Variants in IRF5 observed in about 807,000 individuals in gnomAD.
IRF5 encodes interferon regulatory factor 5.
In IRF5, 24 loss-of-function variants were observed where a neutral mutation model predicts 55.1. The observed-to-expected ratio is 0.44, with a 90% CI of 0.32 to 0.61. The LOEUF (loss-of-function observed/expected upper bound fraction) is 0.61. Among genes scored for constraint, IRF5 ranks in the 20% least tolerant of loss-of-function variants. IRF5 has a pLI of 0.07. For missense variants in IRF5, 499 were observed against 658.5 expected, an observed-to-expected ratio of 0.76 and a Z score of 2.65; for synonymous variants, 258 against 260.2, an observed-to-expected ratio of 0.99 and a Z score of 0.08.
upstream of IRF5, among the ~76,000 whole-genome samples, chr7:128,937,321 A>T (rs1195698963): frequency 6.6e-6 from 1 of 152,258 alleles, no homozygotes; most frequent in Non-Finnish European, 1.5e-5. Flanking sequence ...AAAACGGTTC[A>T]GAACCACAGG....
intron 1 of IRF5, 83 bp from the exon 2 acceptor site, chr7:128,941,988 G>A: frequency 9.9e-7 from 1 of 1,013,220 alleles, no homozygotes; most frequent in Non-Finnish European, 1.5e-6. Flanking sequence ...ACCATCCTTT[G>A]TGGTCCATAG....
intron 2 of IRF5, among the ~76,000 whole-genome samples, chr7:128,945,416 C>A (rs566950805): frequency 6.6e-6 from 1 of 152,182 alleles, no homozygotes; most frequent in Non-Finnish European, 1.5e-5. Context: ...AACATCAACC[C>A]CTTGAGTCTT....
intron 2 of IRF5, chr7:128,943,009 T>C: frequency 6.4e-6 from 1 of 155,574 alleles, no homozygotes; most frequent in East Asian, 1.9e-4. Context: ...CCTCACACTG[T>C]TGACCAGATT....
In IRF5 at chr7:128,947,561, GA is replaced by G. The variant is rs1368423856; in HGVS notation, c.787+28del. ...GTAAGGACCCATGGCTGGGCACGGG[GA>G]AGCAGTGCTGGGGGATTGGGGTAGG... On this transcript the variant is annotated intron_variant, in intron 6 of 8. Transcript: ENST00000357234. The surrounding 1 kb of genome is among the most constrained non-coding windows in gnomAD (Gnocchi z 6.5). The G allele has an allele frequency of 1.3e-6, 2 of 1,533,242 alleles. No homozygotes were observed. The highest frequency in any genetic ancestry group is 4.5e-5 in the East Asian group (2 of 44,450). 95.0% of individuals were successfully genotyped at this position (1,533,242 alleles called of 1,614,324 possible). A position where few individuals can be genotyped will look rare whatever the true frequency, so the allele number is the denominator to read the frequency against.
intron 2 of IRF5, among the ~76,000 whole-genome samples, chr7:128,945,280 T>A (rs977814989): frequency 6.6e-6 from 1 of 152,174 alleles, no homozygotes; most frequent in Non-Finnish European, 1.5e-5. Context: ...GCCCAGCTAA[T>A]TTTTTGTAAA....
rs1031242948 is a variant in IRF5 at position 128,946,227 on chromosome 7, A to C, written c.385+193A>C. 4.6e-5 allele frequency among the ~76,000 whole-genome samples: 7 copies of C among 152,222 alleles called. No homozygotes were observed. Among genetic ancestry groups the C allele is most frequent in the African/African-American group, 1.2e-4 (5 of 41,448 alleles). Reference sequence around the variant, plus strand: ...GGCTGGGATGGGTCACTGGCATATCAGGAATGGCTTGGCGTGCAGTCAGGG... The same window carrying C: ...GGCTGGGATGGGTCACTGGCATATCCGGAATGGCTTGGCGTGCAGTCAGGG... On this transcript the variant is annotated intron_variant, in intron 3 of 8. Coordinates refer to ENST00000357234, the MANE Select transcript of IRF5 (RefSeq NM_001098629.3). The surrounding 1 kb of genome is among the most constrained non-coding windows in gnomAD (Gnocchi z 4.2).
chr7:128,948,855 G>A lies in IRF5; in HGVS notation c.*37G>A. ...ACGGTGACTGGCCCTGGCTTCCTGG[G>A]TGGCGGTGCGGACTGATGTGGAGAT... On this transcript the variant is annotated 3_prime_UTR_variant, in exon 9 of 9. Transcript: ENST00000357234. This position sits in a 1 kb window ranked among gnomAD's most constrained non-coding sequence, Gnocchi z 4.6. The A allele has an allele frequency of 3.2e-6, 5 of 1,586,530 alleles. No homozygotes were observed. Among genetic ancestry groups the A allele is most frequent in the East Asian group, 2.2e-5 (1 of 44,714 alleles).
intron 2 of IRF5, among the ~76,000 whole-genome samples, chr7:128,942,877 A>G (rs1193280135): frequency 6.6e-6 from 1 of 152,144 alleles, no homozygotes; most frequent in East Asian, 1.9e-4. Context: ...TACTTAGCAT[A>G]TCCATAATCT....
At chr7:128,938,711 C>T (rs1795865326) in intron 1 of IRF5, among the ~76,000 whole-genome samples, 1 of 152,132 alleles carries the variant, frequency 6.6e-6, no homozygotes, top group Non-Finnish European at 1.5e-5. Flanking sequence ...CGCAATAGTT[C>T]CTGGGCTGGT....
Position 128,945,961 on chromosome 7 carries a change from C to T in IRF5, c.312C>T (p.Tyr104=), listed in dbSNP as rs777272768. 23 of 1,613,460 alleles carry T rather than the reference C, an allele frequency of 1.4e-5. No individual in the cohort carries two copies. Among genetic ancestry groups the T allele is most frequent in the Non-Finnish European group, 1.8e-5 (21 of 1,179,868 alleles). ...AGAGCCGGGACTTCCGCCTCATCTA[C>T]GACGGGCCCCGGGACATGCCACCTC... is the stretch of plus-strand genomic sequence containing the variant. The part of the protein sequence containing the change: ...LNKSRDFRLI[Y]DGPRDMPPQP... The change falls in exon 3 of 9, where the codon TAC becomes TAT. Residue 104 remains tyrosine, a synonymous_variant. Transcript: ENST00000357234.
In IRF5 at chr7:128,943,175, C is replaced by T. The variant is rs60927344; in HGVS notation, c.195+899C>T. The T allele has an allele frequency of 4.4e-5, 10 of 227,484 alleles. No homozygotes were observed. The East Asian group carries it at 1.4e-3, about 32-fold the overall frequency. 14.1% of individuals were successfully genotyped at this position (227,484 alleles called of 1,614,324 possible). On this transcript the variant is annotated intron_variant, in intron 2 of 8. Coordinates refer to ENST00000357234, the MANE Select transcript of IRF5 (RefSeq NM_001098629.3). Reference sequence around the variant, plus strand: ...CAACCTCCTTGAGTAGCTGGGATTACAGGTGCCTGCCACCACAACTGGCTA... The same window carrying T: ...CAACCTCCTTGAGTAGCTGGGATTATAGGTGCCTGCCACCACAACTGGCTA...
At position 128,946,101 on chromosome 7, in the gene IRF5, C is replaced by G. The variant is rs938205424; in HGVS notation, c.385+67C>G. 1.4e-6 allele frequency: 2 copies of G among 1,442,508 alleles called. No individual in the cohort carries two copies. 89.4% of individuals were successfully genotyped at this position (1,442,508 alleles called of 1,614,324 possible). A position where few individuals can be genotyped will look rare whatever the true frequency, so the allele number is the denominator to read the frequency against. On this transcript the variant is annotated intron_variant, in intron 3 of 8. Transcript: ENST00000357234. This position sits in a 1 kb window ranked among gnomAD's most constrained non-coding sequence, Gnocchi z 4.2. ...CAATGTCCTGGCCCCCAGCCATGAG[C>G]TCTTGGGTGCAGGCAGGCCAAGGGC... is the stretch of plus-strand genomic sequence containing the variant.
intron 2 of IRF5, among the ~76,000 whole-genome samples, chr7:128,944,534 G>A (rs559580544): frequency 6.6e-6 from 1 of 152,188 alleles, no homozygotes; most frequent in African/African-American, 2.4e-5. Flanking sequence ...GCATAGAATG[G>A]TTTAGAGCAA....
In IRF5 at chr7:128,942,286, G is replaced by C. The variant is rs183734949; in HGVS notation, c.195+10G>C. On this transcript the variant is annotated intron_variant, in intron 2 of 8. Coordinates refer to ENST00000357234, the MANE Select transcript of IRF5 (RefSeq NM_001098629.3). ...TAACACCATCTTCAAGGTAAGCCCC[G>C]GGGAGGAGGTTGGCTGGACCTCCAG... The C allele has an allele frequency of 6.2e-7, 1 of 1,603,102 alleles. No individual in the cohort carries two copies. Among genetic ancestry groups the C allele is most frequent in the Non-Finnish European group, 8.5e-7 (1 of 1,172,870 alleles).
chr7:128,948,705 C>A lies in IRF5; in HGVS notation c.1432C>A (p.His478Asn). 1 of 1,614,144 alleles carries A rather than the reference C, an allele frequency of 6.2e-7. No individual in the cohort carries two copies. Among genetic ancestry groups the A allele is most frequent in the South Asian group, 1.1e-5 (1 of 91,090 alleles). Reference sequence around the variant, plus strand: ...CATGGTGGAGCAATTCAAGGAGCTCCATCACATCTGGCAGTCCCAGCAGCG... The same window carrying A: ...CATGGTGGAGCAATTCAAGGAGCTCAATCACATCTGGCAGTCCCAGCAGCG... ...DRMVEQFKEL[H>N]HIWQSQQRLQ... The change falls in exon 9 of 9, where the codon CAT becomes AAT. Residue 478 changes from histidine to asparagine, a missense_variant. By Grantham distance (68) the His-to-Asn change is moderately conservative. Around this residue, in one of 2 missense-constraint regions of IRF5, gnomAD observed 194 missense variants for 318.3 expected, o/e 0.61. Coordinates refer to ENST00000357234, the MANE Select transcript of IRF5 (RefSeq NM_001098629.3). The surrounding 1 kb of genome is among the most constrained non-coding windows in gnomAD (Gnocchi z 4.6).
At position 128,948,262 on chromosome 7, in the gene IRF5, C is replaced by G; in HGVS notation, c.1233C>G (p.Ile411Met). Residue 411 changes from isoleucine (I) to methionine (M), a missense_variant, in exon 8 of 9, where the codon ATC becomes ATG. Physicochemically the swap from Ile to Met is conservative, Grantham distance 10. Transcript: ENST00000357234. The surrounding 1 kb of genome is among the most constrained non-coding windows in gnomAD (Gnocchi z 4.6). The stretch of plus-strand genomic sequence containing the variant: ...CCAACACCCCACCACCCTTCGAGAT[C>G]TTCTTCTGCTTTGGGGAAGAATGGC... The part of the protein sequence containing the change: ...GQTNTPPPFE[I>M]FFCFGEEWPD... 6.2e-7 allele frequency: 1 copy of G among 1,613,856 alleles called. No individual in the cohort carries two copies. The highest frequency in any genetic ancestry group is 8.5e-7 in the Non-Finnish European group (1 of 1,179,892).
intron 1 of IRF5, among the ~76,000 whole-genome samples, chr7:128,941,587 G>A (rs758906443): frequency 1.3e-5 from 2 of 152,308 alleles, no homozygotes; most frequent in Middle Eastern, 3.4e-3. Flanking sequence ...GGGAAGAATC[G>A]AACTAGGGGT....
intron 2 of IRF5, among the ~76,000 whole-genome samples, chr7:128,944,103 A>T (rs1173711777): frequency 6.6e-6 from 1 of 152,194 alleles, no homozygotes; most frequent in African/African-American, 2.4e-5. Context: ...GCAAAATTGG[A>T]ATCAAGTGAA....
At chr7:128,945,177 A>T (rs1035203323) in intron 2 of IRF5, among the ~76,000 whole-genome samples, 1 of 152,108 alleles carries the variant, frequency 6.6e-6, no homozygotes, top group African/African-American at 2.4e-5. Context: ...GCAGAGCATA[A>T]TCATGGCTCA....
Sources: gnomAD v4.1 joint callset for allele counts (sites outside exome capture counted in the v4.1 genomes callset) on GRCh38, gnomAD v4.1.1 for gene constraint, gnomAD v4.1.1 regional missense constraint, Gnocchi (gnomAD v3.1) non-coding constraint, MANE v1.5 for transcripts, NCBI Gene and HGNC (gene_info 2026-07-23, HGNC 2026-07-21) for gene names.